The following GRHL3 variants were observed in gnomAD, a reference collection of about 807,000 sequenced individuals.
The protein encoded by GRHL3 is grainyhead like transcription factor 3.
Under a neutral mutation model 70.3 loss-of-function variants are expected in GRHL3, and 20 were observed. That is an observed-to-expected ratio of 0.28 (90% CI 0.20 to 0.41). GRHL3 has a LOEUF of 0.41. Ranked by LOEUF, GRHL3 falls within the 10% of genes least tolerant of loss-of-function variation. The pLI is 1.00. For synonymous variants in GRHL3, 299 were observed against 299.9 expected (o/e 1.00, Z 0.03); for missense variants, 637 against 762.3 (o/e 0.84, Z 1.94).
In GRHL3 at chr1:24,342,085, C is replaced by T. The variant is rs746109597; in HGVS notation, c.1048-30C>T. 2 of 1,530,180 alleles carry T rather than the reference C, an allele frequency of 1.3e-6. No individual in the cohort carries two copies. The highest frequency in any genetic ancestry group is 1.8e-6 in the Non-Finnish European group (2 of 1,133,952). The allele number at this position is 1,530,180 out of a possible 1,614,324, so 94.8% of individuals were successfully genotyped here. ...GGTGGGGCTGGCCACCTGGGCAGGC[C>T]ACTTACCCAGCGGCCCCCTCTGTCT... On this transcript the variant is annotated intron_variant, in intron 8 of 15. Coordinates refer to ENST00000361548, the MANE Select transcript of GRHL3 (RefSeq NM_198173.3). The surrounding 1 kb of genome is among the most constrained non-coding windows in gnomAD (Gnocchi z 4.8).
chr1:24,355,931 C>T (rs1209545819), downstream of GRHL3, among the ~76,000 whole-genome samples: 1 of 149,586 alleles, frequency 6.7e-6, no homozygotes, highest in Non-Finnish European at 1.5e-5. Context: ...GATGGAGCCT[C>T]GCTTTGTCAC....
At chr1:24,335,815 C>G (rs1188337923) in intron 3 of GRHL3, among the ~76,000 whole-genome samples, 1 of 152,146 alleles carries the variant, frequency 6.6e-6, no homozygotes, top group African/African-American at 2.4e-5. Context: ...ATCTCCTGAC[C>G]TCGTGATCCG....
intron 4 of GRHL3, 66 bp downstream of exon 4, chr1:24,336,893 T>C (rs1158551983): frequency 4.4e-6 from 6 of 1,370,698 alleles, no homozygotes; most frequent in East Asian, 2.3e-5. Context: ...TGAGAGAAGA[T>C]AGTGAACAGA....
intron 7 of GRHL3, among the ~76,000 whole-genome samples, chr1:24,339,289 T>G (rs1639946066): frequency 1.3e-5 from 2 of 150,578 alleles, no homozygotes; most frequent in Admixed American, 1.3e-4. Flanking sequence ...GTCTTTTTTT[T>G]TTTTGAGACA....
In GRHL3 at chr1:24,354,693, T is replaced by C. The variant is rs1640648132; in HGVS notation, c.*205T>C. 1 of 505,034 alleles carries C rather than the reference T, an allele frequency of 2.0e-6. No homozygotes were observed. Among genetic ancestry groups the C allele is most frequent in the Non-Finnish European group, 3.6e-6 (1 of 279,486 alleles). 31.3% of individuals were successfully genotyped at this position (505,034 alleles called of 1,614,324 possible). ...CTGGCCTGGATCCCCATGGTATGCT[T>C]GAATCTGCTCCCTGAACTTCCTGCC... On this transcript the variant is annotated 3_prime_UTR_variant, in exon 16 of 16. Transcript: ENST00000361548.
intron 7 of GRHL3, among the ~76,000 whole-genome samples, chr1:24,339,198 G>A (rs538210505): frequency 6.6e-6 from 1 of 152,206 alleles, no homozygotes; most frequent in African/African-American, 2.4e-5. Flanking sequence ...CAGGGCACAG[G>A]AATCCCTTTT....
chr1:24,342,992 T>A lies in GRHL3; in HGVS notation c.1386T>A (p.Asn462Lys). Residue 462 changes from asparagine (N) to lysine (K), a missense_variant, in exon 11 of 16, where the codon AAT becomes AAA. Around this residue, in one of 2 missense-constraint regions of GRHL3, gnomAD observed 387 missense variants for 513.8 expected, o/e 0.75. Transcript: ENST00000361548. The surrounding 1 kb of genome is among the most constrained non-coding windows in gnomAD (Gnocchi z 4.8). ...CGCCACCCGTGCTGTTCATCCCCAATGTGCACTTCTCCAGCCTGCAGCGCT... is the reference window on the plus strand; with the variant it reads ...CGCCACCCGTGCTGTTCATCCCCAAAGTGCACTTCTCCAGCCTGCAGCGCT... ...LETPPVLFIP[N>K]VHFSSLQRSG... 6.2e-7 allele frequency: 1 copy of A among 1,613,796 alleles called. No homozygotes were observed. The highest frequency in any genetic ancestry group is 8.5e-7 in the Non-Finnish European group (1 of 1,179,974).
At chr1:24,356,912 C>T (rs1374569539), downstream of GRHL3, 1 of 152,192 alleles carries the variant, frequency 6.6e-6, no homozygotes, top group Non-Finnish European at 1.5e-5. Flanking sequence ...GTCTGTGGTC[C>T]TAATTCCCAA....
intron 8 of GRHL3, among the ~76,000 whole-genome samples, chr1:24,341,692 G>T (rs553146151): frequency 1.3e-5 from 2 of 152,308 alleles, no homozygotes; most frequent in East Asian, 3.9e-4. Flanking sequence ...GTCTCCTTGT[G>T]CTGGGGACAG....
chr1:24,339,263 A>G (rs1437708125), intron 7 of GRHL3, among the ~76,000 whole-genome samples: 2 of 140,538 alleles, frequency 1.4e-5, no homozygotes, highest in African/African-American at 6.0e-5. Flanking sequence ...CCCTGCCAAG[A>G]GTGAGGCCCA....
chr1:24,342,654 T>G lies in GRHL3; in HGVS notation c.1207-40T>G. 1 of 1,573,794 alleles carries G rather than the reference T, an allele frequency of 6.4e-7. No homozygotes were observed. The highest frequency in any genetic ancestry group is 8.7e-7 in the Non-Finnish European group (1 of 1,143,324). ...AGCAGCTGTGAAAGTAGCTAGCCCC[T>G]CCCAGGCCCTTGGTGACCCTCTCTC... On this transcript the variant is annotated intron_variant, in intron 9 of 15. Coordinates refer to ENST00000361548, the MANE Select transcript of GRHL3 (RefSeq NM_198173.3). This position sits in a 1 kb window ranked among gnomAD's most constrained non-coding sequence, Gnocchi z 4.8.
Position 24,322,803 on chromosome 1 carries a change from G to C in GRHL3, c.17+3235G>C, listed in dbSNP as rs548090587. Among the ~76,000 whole-genome samples, 152 of 152,342 alleles carry C rather than the reference G, an allele frequency of 1.0e-3. 1 individual carries two copies. Among genetic ancestry groups the C allele is most frequent in the African/African-American group, 3.5e-3 (147 of 41,586 alleles). ...AAATGACAGCCAACATTTATGGAGCGCTGACTCCGCATCTGACATTGTGTC... is the reference window on the plus strand; with the variant it reads ...AAATGACAGCCAACATTTATGGAGCCCTGACTCCGCATCTGACATTGTGTC... On this transcript the variant is annotated intron_variant, in intron 1 of 15. Coordinates refer to ENST00000361548, the MANE Select transcript of GRHL3 (RefSeq NM_198173.3). The surrounding 1 kb of genome is among the most constrained non-coding windows in gnomAD (Gnocchi z 4.4).
intron 8 of GRHL3, among the ~76,000 whole-genome samples, chr1:24,341,281 A>AT (rs1640026506): frequency 6.6e-6 from 1 of 152,132 alleles, no homozygotes; most frequent in Admixed American, 6.5e-5. Flanking sequence ...CGGTTATAAC[A>AT]TATCAAGCCT....
chr1:24,356,440 C>T (rs141671165), downstream of GRHL3, among the ~76,000 whole-genome samples: 481 of 151,932 alleles, frequency 3.2e-3, 2 homozygotes, highest in African/African-American at 0.011. Flanking sequence ...GGGGTTTCAC[C>T]GTGTTAGCCA....
rs760190846 is a variant in GRHL3, at chr1:24,337,647, A to G, written c.698A>G (p.Tyr233Cys). The G allele has an allele frequency of 3.7e-6, 6 of 1,613,930 alleles. No homozygotes were observed. Among genetic ancestry groups the G allele is most frequent in the Non-Finnish European group, 5.1e-6 (6 of 1,179,988 alleles). Reference sequence around the variant, plus strand: ...CCTCCTCCCTGCAGTGACTTTGAATACACCCTGGGCTCCCCCAAAGCCATC... The same window carrying G: ...CCTCCTCCCTGCAGTGACTTTGAATGCACCCTGGGCTCCCCCAAAGCCATC... ...DYPSLKSDFE[Y>C]TLGSPKAIHI... Residue 233 changes from tyrosine (Y) to cysteine (C), a missense_variant, in exon 6 of 16, where the codon TAC becomes TGC. Physicochemically the swap from Tyr to Cys is radical, Grantham distance 194 (BLOSUM62 -2). Around this residue, in one of 2 missense-constraint regions of GRHL3, gnomAD observed 387 missense variants for 513.8 expected, o/e 0.75. Transcript: ENST00000361548.
At chr1:24,327,040 G>A (rs1639425176) in intron 1 of GRHL3, among the ~76,000 whole-genome samples, 1 of 152,214 alleles carries the variant, frequency 6.6e-6, no homozygotes, top group South Asian at 2.1e-4. Flanking sequence ...CTCAGGCAGA[G>A]TATCCCCTTT....
At chr1:24,331,285 C>T in intron 1 of GRHL3, 141 bp from the exon 2 acceptor site, 1 of 707,706 alleles carries the variant, frequency 1.4e-6, no homozygotes. Flanking sequence ...TGCTGCCCCA[C>T]ACTGCCTAAT....
chr1:24,354,093 C>A (rs147433440), intron 15 of GRHL3, among the ~76,000 whole-genome samples: 2 of 152,184 alleles, frequency 1.3e-5, no homozygotes, highest in Non-Finnish European at 2.9e-5. Context: ...TGTCCATCCT[C>A]GGGTGTACCA....
Position 24,337,663 on chromosome 1 carries a change from C to G in GRHL3, c.714C>G (p.Pro238=), listed in dbSNP as rs927521022. ...ACTTTGAATACACCCTGGGCTCCCC[C>G]AAAGCCATCCACATCAAGTCAGGCG... The part of the protein sequence containing the change: ...KSDFEYTLGS[P]KAIHIKSGES... Residue 238 remains proline (P), a synonymous_variant, in exon 6 of 16, where the codon CCC becomes CCG. Transcript: ENST00000361548. 6.2e-7 allele frequency: 1 copy of G among 1,614,186 alleles called. No homozygotes were observed. Among genetic ancestry groups the G allele is most frequent in the Non-Finnish European group, 8.5e-7 (1 of 1,180,026 alleles).
Sources: allele counts gnomAD v4.1 joint callset (sites outside exome capture counted in the v4.1 genomes callset), GRCh38; gene constraint gnomAD v4.1.1; regional missense constraint gnomAD v4.1.1; non-coding constraint Gnocchi (gnomAD v3.1); transcripts MANE v1.5; gene names NCBI Gene and HGNC (gene_info 2026-07-23, HGNC 2026-07-21).